PHC3: variants seen among roughly 807,000 people sequenced by gnomAD.
PHC3 encodes the protein polyhomeotic homolog 3, also known as polyhomeotic-like protein 3.
PHC3 carries 13 observed loss-of-function variants against 107.4 expected under a neutral mutation model. The ratio of observed to expected loss-of-function variants is 0.12; its 90% CI spans 0.08 to 0.19. The LOEUF (loss-of-function observed/expected upper bound fraction) is 0.19, where lower values mean the gene tolerates loss of function less well. Among genes scored for constraint, PHC3 ranks in the 10% least tolerant of loss-of-function variants. The pLI, the probability that PHC3 is intolerant of heterozygous loss-of-function variation, is 1.00. For synonymous variants in PHC3, 456 were observed against 427.4 expected (o/e 1.07, Z -0.83); for missense variants, 992 against 1,210.9 (o/e 0.82, Z 2.68).
At chr3:170,126,528 A>ATTT (rs1553788612) in intron 8 of PHC3, among the ~76,000 whole-genome samples, 5,671 of 90,242 alleles carry the variant, frequency 0.063, 230 homozygotes, top group East Asian at 0.13. Flanking sequence ...ATATATATAT[A>ATTT]TTTTTTTTTT....
chr3:170,123,128 G>C (rs1053356164), intron 8 of PHC3, among the ~76,000 whole-genome samples: 2 of 152,040 alleles, frequency 1.3e-5, no homozygotes, highest in Admixed American at 6.6e-5. Flanking sequence ...TTTTTCATAA[G>C]CACACTAAGC....
At chr3:170,126,651 T>G (rs563067458) in intron 8 of PHC3, among the ~76,000 whole-genome samples, 1 of 151,448 alleles carries the variant, frequency 6.6e-6, no homozygotes, top group South Asian at 2.1e-4. Flanking sequence ...AAGCCATTCT[T>G]GTGCCTATGT....
intron 1 of PHC3, among the ~76,000 whole-genome samples, chr3:170,181,416 A>G (rs1459988996): frequency 6.6e-6 from 1 of 152,012 alleles, no homozygotes; most frequent in Admixed American, 6.5e-5. Flanking sequence ...CGTTCCCCGG[A>G]AAACCCCAGC....
At chr3:170,126,281 A>C (rs557367665) in intron 8 of PHC3, among the ~76,000 whole-genome samples, 7 of 152,068 alleles carry the variant, frequency 4.6e-5, no homozygotes, top group African/African-American at 1.7e-4. Context: ...AAACAAGCTT[A>C]ATAAATTATT....
intron 7 of PHC3, among the ~76,000 whole-genome samples, chr3:170,134,696 C>T (rs973066883): frequency 6.6e-6 from 1 of 152,062 alleles, no homozygotes; most frequent in Non-Finnish European, 1.5e-5. Flanking sequence ...TAAGATACAA[C>T]TTAGTGCTGT....
intron 8 of PHC3, among the ~76,000 whole-genome samples, chr3:170,123,397 ATTT>A (rs1330422246): frequency 1.6e-5 from 2 of 124,086 alleles, no homozygotes. Flanking sequence ...TTGACACCTT[ATTT>A]TTTTACTCTT....
intron 11 of PHC3, among the ~76,000 whole-genome samples, chr3:170,107,907 T>A (rs1716877187): frequency 6.6e-6 from 1 of 152,134 alleles, no homozygotes; most frequent in Admixed American, 6.6e-5. Context: ...ACCCACAATT[T>A]TCTCATCTGT....
At chr3:170,098,826 C>T (rs1715008301) in intron 14 of PHC3, among the ~76,000 whole-genome samples, 1 of 152,102 alleles carries the variant, frequency 6.6e-6, no homozygotes, top group Non-Finnish European at 1.5e-5. Context: ...TTTCAATACC[C>T]TCTACGAAAT....
At chr3:170,118,504 C>T (rs1362705907) in intron 9 of PHC3, among the ~76,000 whole-genome samples, 6 of 152,176 alleles carry the variant, frequency 3.9e-5, no homozygotes, top group East Asian at 1.9e-4. Context: ...CTCTGCCTCC[C>T]GGGTTCATGC....
intron 1 of PHC3, among the ~76,000 whole-genome samples, chr3:170,180,433 G>A (rs1431199313): frequency 6.6e-6 from 1 of 152,138 alleles, no homozygotes; most frequent in African/African-American, 2.4e-5. Context: ...TGGGAGATAA[G>A]AGTGAGAGAC....
chr3:170,144,158 T>TAA (rs60191414), intron 6 of PHC3, among the ~76,000 whole-genome samples: 39 of 118,820 alleles, frequency 3.3e-4, no homozygotes, highest in African/African-American at 5.8e-4. Flanking sequence ...TGTTTCTACT[T>TAA]AAAAAAAAAA....
Position 170,089,914 on chromosome 3 carries a change from C to CAAAAAAAAAA in PHC3, c.*7306_*7315dup, listed in dbSNP as rs1178846219. On this transcript the variant is annotated 3_prime_UTR_variant, in exon 15 of 15. Coordinates refer to ENST00000495893, the MANE Select transcript of PHC3 (RefSeq NM_024947.4). ...CCTGGGCAACAGAGCGAACCCATCT[C>CAAAAAAAAAA]AAAAAAAAAAAAAAGAAAAAAAAAA... is the stretch of plus-strand genomic sequence containing the variant. 2.3e-5 allele frequency: 1 copy of CAAAAAAAAAA among 43,612 alleles called. No homozygotes were observed. Among genetic ancestry groups the CAAAAAAAAAA allele is most frequent in the African/African-American group, 6.7e-5 (1 of 14,874 alleles). 2.7% of individuals were successfully genotyped at this position (43,612 alleles called of 1,614,324 possible).
At chr3:170,125,585 T>A (rs1721118138) in intron 8 of PHC3, among the ~76,000 whole-genome samples, 2 of 152,156 alleles carry the variant, frequency 1.3e-5, no homozygotes, top group African/African-American at 4.8e-5. Context: ...TGATCATACA[T>A]AGAATTCTGA....
chr3:170,133,358 T>C (rs1306202472), intron 7 of PHC3, among the ~76,000 whole-genome samples: 5 of 152,210 alleles, frequency 3.3e-5, no homozygotes, highest in African/African-American at 1.2e-4. Context: ...TTTGTATTTT[T>C]AGTAGAGACG....
intron 4 of PHC3, among the ~76,000 whole-genome samples, chr3:170,154,872 T>C (rs1048578957): frequency 1.3e-5 from 2 of 152,226 alleles, no homozygotes; most frequent in African/African-American, 4.8e-5. Flanking sequence ...CCACAACTGA[T>C]AAGGCTCTCC....
At chr3:170,116,180 G>A (rs553785210) in intron 10 of PHC3, among the ~76,000 whole-genome samples, 2 of 152,300 alleles carry the variant, frequency 1.3e-5, no homozygotes, top group South Asian at 4.1e-4. Flanking sequence ...AAATATGATT[G>A]AAGGCTGAAA....
chr3:170,142,069 T>C (rs1435557341), intron 6 of PHC3, among the ~76,000 whole-genome samples: 1 of 152,344 alleles, frequency 6.6e-6, no homozygotes, highest in Non-Finnish European at 1.5e-5. Context: ...GTTTCATTTA[T>C]TCCTTATAAC....
rs141521101 is a variant in PHC3, at chr3:170,094,962, T to C, written c.*2268A>G. ...CCTTAAAGGCCATAGGTAATACAGT[T>C]ATAGGATGTAATCATTATTGCTGGA... On this transcript the variant is annotated 3_prime_UTR_variant, in exon 15 of 15. Transcript: ENST00000495893. The C allele has an allele frequency of 4.1e-4, 62 of 152,254 alleles. No individual in the cohort carries two copies. The highest frequency in any genetic ancestry group is 1.3e-3 in the African/African-American group (53 of 41,550). 9.4% of individuals were successfully genotyped at this position (152,254 alleles called of 1,614,324 possible).
intron 11 of PHC3, among the ~76,000 whole-genome samples, chr3:170,111,230 A>C (rs184427649): frequency 6.6e-6 from 1 of 151,784 alleles, no homozygotes; most frequent in South Asian, 2.1e-4. Context: ...TGACGTATGT[A>C]CCGGTGACTA....
Sources: gnomAD v4.1 joint callset for allele counts (sites outside exome capture counted in the v4.1 genomes callset) on GRCh38, gnomAD v4.1.1 for gene constraint, MANE v1.5 for transcripts, NCBI Gene and HGNC (gene_info 2026-07-23, HGNC 2026-07-21) for gene names.